Variants in CHD6 observed in about 807,000 individuals in gnomAD.
The protein encoded by CHD6 is chromodomain helicase DNA binding protein 6, also known as ATP-dependent chromatin remodeler CHD6.
In CHD6, 50 loss-of-function variants were observed where a neutral mutation model predicts 276.9. The observed-to-expected ratio is 0.18, with a 90% CI of 0.14 to 0.23. The LOEUF is 0.23. Ranked by LOEUF, CHD6 falls within the 10% of genes least tolerant of loss-of-function variation. The pLI is 1.00. For missense variants in CHD6, 2,564 were observed against 3,365.8 expected (o/e 0.76, Z 5.89); for synonymous variants, 1,173 against 1,229.3 (o/e 0.95, Z 0.96).
At chr20:41,555,123 C>T (rs2045206158) in intron 1 of CHD6, among the ~76,000 whole-genome samples, 1 of 144,528 alleles carries the variant, frequency 6.9e-6, no homozygotes, top group African/African-American at 2.6e-5. Flanking sequence ...CCCCCCACCT[C>T]CCTCCCCGAC....
At chr20:41,577,768 G>A (rs2045490515) in intron 1 of CHD6, among the ~76,000 whole-genome samples, 1 of 152,218 alleles carries the variant, frequency 6.6e-6, no homozygotes, top group Admixed American at 6.5e-5. Context: ...AGAGACACTA[G>A]ACAATCCATT....
rs73611276 is a variant in CHD6 at position 41,449,239 on chromosome 20, T to G, written c.3684-1268A>C. ...TTATTTATTTTTAAAGCCCAGAGAA[T>G]AAGAACTCTTAAAAATTTACAACCA... On this transcript the variant is annotated intron_variant, in intron 23 of 36. Coordinates refer to ENST00000373233, the MANE Select transcript of CHD6 (RefSeq NM_032221.5). Among the ~76,000 whole-genome samples, 236 of 152,280 alleles carry G rather than the reference T, an allele frequency of 1.5e-3. 2 individuals carry two copies. Among genetic ancestry groups the G allele is most frequent in the East Asian group, 0.013 (68 of 5,178 alleles).
chr20:41,601,578 A>G (rs950170616), intron 1 of CHD6, among the ~76,000 whole-genome samples: 2 of 152,216 alleles, frequency 1.3e-5, no homozygotes, highest in African/African-American at 2.4e-5. Context: ...TCCTGAAGCT[A>G]TGGTATAGCA....
At position 41,439,988 on chromosome 20, in the gene CHD6, G is replaced by T; in HGVS notation, c.4007+12C>A. 6.2e-7 allele frequency: 1 copy of T among 1,613,500 alleles called. No individual in the cohort carries two copies. Among genetic ancestry groups the T allele is most frequent in the Non-Finnish European group, 8.5e-7 (1 of 1,179,636 alleles). On this transcript the variant is annotated intron_variant, in intron 26 of 36. Coordinates refer to ENST00000373233, the MANE Select transcript of CHD6 (RefSeq NM_032221.5). ...GCATGTCACATGAGGGCTGGCCTAC[G>T]TGGCTTCTCACCTTTCAGGAATGTC...
At chr20:41,554,544 G>C (rs969212684) in intron 1 of CHD6, among the ~76,000 whole-genome samples, 2 of 151,502 alleles carry the variant, frequency 1.3e-5, no homozygotes, top group East Asian at 1.9e-4. Flanking sequence ...GCGGCCTTCC[G>C]CAGTGTTTGT....
chr20:41,601,479 T>C (rs1193981877), intron 1 of CHD6, among the ~76,000 whole-genome samples: 2 of 152,222 alleles, frequency 1.3e-5, no homozygotes, highest in African/African-American at 4.8e-5. Flanking sequence ...TTTAGTATTA[T>C]GGTCACCAGC....
intron 27 of CHD6, among the ~76,000 whole-genome samples, chr20:41,429,742 T>C (rs975693702): frequency 6.6e-6 from 1 of 152,180 alleles, no homozygotes; most frequent in Non-Finnish European, 1.5e-5. Context: ...ATTTCTGGTG[T>C]GGTAAAAAGA....
chr20:41,601,579 T>C (rs549585019), intron 1 of CHD6, among the ~76,000 whole-genome samples: 7 of 152,320 alleles, frequency 4.6e-5, no homozygotes, highest in African/African-American at 1.7e-4. Flanking sequence ...CCTGAAGCTA[T>C]GGTATAGCAG....
chr20:41,514,981 G>GTT (rs1227744839), intron 3 of CHD6, 29 bp from the exon 4 acceptor site: 2 of 1,610,332 alleles, frequency 1.2e-6, no homozygotes, highest in Non-Finnish European at 1.7e-6. Context: ...AATTAAAACT[G>GTT]TTGGGCAGTT....
At chr20:41,537,227 G>A (rs1447690435) in intron 2 of CHD6, among the ~76,000 whole-genome samples, 9 of 152,064 alleles carry the variant, frequency 5.9e-5, no homozygotes. Context: ...AAGTACAGTT[G>A]GCCCTCTAAA....
chr20:41,615,865 G>A (rs1258803672), intron 1 of CHD6, among the ~76,000 whole-genome samples: 1 of 152,172 alleles, frequency 6.6e-6, no homozygotes, highest in African/African-American at 2.4e-5. Context: ...GCTGCTTCGG[G>A]CAAAGCCATA....
At chr20:41,438,761 T>C (rs1482597148) in intron 26 of CHD6, among the ~76,000 whole-genome samples, 1 of 152,162 alleles carries the variant, frequency 6.6e-6, no homozygotes, top group Non-Finnish European at 1.5e-5. Flanking sequence ...CAGGCGCCCA[T>C]TCAGAGAGTG....
chr20:41,592,306 A>G (rs930820796), intron 1 of CHD6, among the ~76,000 whole-genome samples: 1 of 152,230 alleles, frequency 6.6e-6, no homozygotes, highest in African/African-American at 2.4e-5. Context: ...AAAAGTGGGT[A>G]AAGTCAAATC....
intron 1 of CHD6, among the ~76,000 whole-genome samples, chr20:41,603,692 C>G (rs2045796804): frequency 6.6e-6 from 1 of 152,088 alleles, no homozygotes; most frequent in African/African-American, 2.4e-5. Context: ...ATGGTGAAAC[C>G]CTGTCTCTAC....
In CHD6 at chr20:41,533,121, C is replaced by G; in HGVS notation, c.483G>C (p.Ser161=). ...AKKARKPREA[S]GTKEAKEKRS... is the part of the protein sequence containing the mutation. ...TCTTCTCTTTGGCCTCCTTGGTGCC[C>G]GAGGCCTCCCGGGGCTTCCGTGCCT... is the stretch of plus-strand genomic sequence containing the variant. The change falls in exon 3 of 37, where the codon TCG becomes TCC. Residue 161 remains serine (S), a synonymous_variant. Coordinates refer to ENST00000373233, the MANE Select transcript of CHD6 (RefSeq NM_032221.5). The G allele has an allele frequency of 6.2e-7, 1 of 1,614,132 alleles. No individual in the cohort carries two copies. The highest frequency in any genetic ancestry group is 8.5e-7 in the Non-Finnish European group (1 of 1,180,012).
At chr20:41,528,130 C>G (rs894300101) in intron 3 of CHD6, among the ~76,000 whole-genome samples, 1 of 152,160 alleles carries the variant, frequency 6.6e-6, no homozygotes, top group Admixed American at 6.5e-5. Context: ...ATTTCTTTCT[C>G]AAATGGTAAA....
chr20:41,498,748 T>A (rs555896405), intron 6 of CHD6, among the ~76,000 whole-genome samples: 52 of 151,986 alleles, frequency 3.4e-4, no homozygotes, highest in Non-Finnish European at 4.9e-4. Flanking sequence ...AACCCCCACG[T>A]TTCCATTAGG....
intron 1 of CHD6, among the ~76,000 whole-genome samples, chr20:41,606,430 C>T (rs1385170008): frequency 1.3e-5 from 2 of 152,136 alleles, no homozygotes; most frequent in African/African-American, 2.4e-5. Flanking sequence ...GGGAGAATGG[C>T]GTGAACCCAG....
intron 1 of CHD6, among the ~76,000 whole-genome samples, chr20:41,592,844 T>C (rs1331942247): frequency 6.6e-6 from 1 of 152,178 alleles, no homozygotes; most frequent in African/African-American, 2.4e-5. Context: ...TGAGCTAACA[T>C]ACCTTAGTAC....
Sources: allele counts gnomAD v4.1 joint callset (sites outside exome capture counted in the v4.1 genomes callset), GRCh38; gene constraint gnomAD v4.1.1; transcripts MANE v1.5; gene names NCBI Gene and HGNC (gene_info 2026-07-23, HGNC 2026-07-21).